Variants in UIMC1 observed in about 807,000 individuals in gnomAD.
UIMC1 encodes the protein ubiquitin interaction motif containing 1.
Under a neutral mutation model 84.9 loss-of-function variants are expected in UIMC1, and 42 were observed. The observed-to-expected ratio is 0.49, with a 90% CI of 0.39 to 0.64. The LOEUF is 0.64. UIMC1 is among the 30% of genes least tolerant of loss of function. The pLI is 0.00. For missense variants in UIMC1, 825 were observed against 847.6 expected (o/e 0.97, Z 0.33); for synonymous variants, 281 against 293.0 (o/e 0.96, Z 0.42).
At chr5:176,970,579 A>C in intron 4 of UIMC1, 163 bp downstream of exon 4, 2 of 1,103,818 alleles carry the variant, frequency 1.8e-6, no homozygotes, top group Non-Finnish European at 2.7e-6. Context: ...AAATTGGGTT[A>C]ACCAACAATT....
chr5:176,979,765 A>G (rs1348062524), intron 2 of UIMC1, among the ~76,000 whole-genome samples: 1 of 152,178 alleles, frequency 6.6e-6, no homozygotes, highest in Non-Finnish European at 1.5e-5. Context: ...GACGTATGAC[A>G]TATGTGCTGC....
intron 10 of UIMC1, among the ~76,000 whole-genome samples, chr5:176,917,043 C>G (rs1383201723): frequency 6.6e-6 from 1 of 152,160 alleles, no homozygotes; most frequent in Non-Finnish European, 1.5e-5. Flanking sequence ...TGGTTAAAGT[C>G]TTCTCAGTTT....
At chr5:177,012,644 G>C (rs1431614585) in intron 1 of UIMC1, among the ~76,000 whole-genome samples, 1 of 152,084 alleles carries the variant, frequency 6.6e-6, no homozygotes, top group African/African-American at 2.4e-5. Flanking sequence ...AATGAGCTGA[G>C]ATCGCGCCAC....
At chr5:176,914,416 T>C (rs917784635) in intron 10 of UIMC1, among the ~76,000 whole-genome samples, 1 of 152,222 alleles carries the variant, frequency 6.6e-6, no homozygotes, top group Non-Finnish European at 1.5e-5. Flanking sequence ...GTCTTCTCTC[T>C]GGTCCAACTT....
chr5:176,907,020 G>A lies in UIMC1; in HGVS notation c.1912+94C>T, dbSNP rs1026383324. The A allele has an allele frequency of 2.3e-6, 3 of 1,332,378 alleles. No individual in the cohort carries two copies. In the South Asian group the frequency reaches 3.7e-5, roughly 17 times the overall value. 82.5% of individuals were successfully genotyped at this position (1,332,378 alleles called of 1,614,324 possible). A position where few individuals can be genotyped will look rare whatever the true frequency, so the allele number is the denominator to read the frequency against. Reference sequence around the variant, plus strand: ...GCTGACTGGATCACGTGTGTACCCAGATAACCACAGCAAATAGTCAGGGGG... The same window carrying A: ...GCTGACTGGATCACGTGTGTACCCAAATAACCACAGCAAATAGTCAGGGGG... On this transcript the variant is annotated intron_variant, in intron 13 of 14. Coordinates refer to ENST00000511320, the MANE Select transcript of UIMC1 (RefSeq NM_001199298.2).
In UIMC1 at chr5:177,003,767, G is replaced by A. The variant is rs75561434; in HGVS notation, c.-9+2883C>T. On this transcript the variant is annotated intron_variant, in intron 1 of 14. Transcript: ENST00000511320. ...GAGTATGGGGGAAGACTGGAGAAGC[G>A]TAATGCACTGGGAAAACCTCTCACA... Among the ~76,000 whole-genome samples the A allele has an allele frequency of 1.6e-4, 24 of 152,318 alleles. No homozygotes were observed. In the East Asian group the frequency reaches 4.2e-3, roughly 27 times the overall value.
chr5:176,911,537 G>C (rs548431395), intron 10 of UIMC1, 148 bp from the exon 11 acceptor site: 5 of 439,342 alleles, frequency 1.1e-5, no homozygotes, highest in Non-Finnish European at 1.5e-5. Context: ...AATCTTTCTA[G>C]AATTGAGAAT....
chr5:176,975,477 G>T lies in UIMC1; in HGVS notation c.151C>A (p.Pro51Thr). 1.2e-6 allele frequency: 2 copies of T among 1,613,832 alleles called. No individual in the cohort carries two copies. The highest frequency in any genetic ancestry group is 2.7e-5 in the African/African-American group (2 of 75,012). Residue 51 changes from proline (P) to threonine (T), a missense_variant, in exon 3 of 15, where the codon CCA becomes ACA. Transcript: ENST00000511320. ...IVISDSDGEE[P>T]KEENGLQKTK... ...TTCTGCAACCCATTTTCCTCCTTTG[G>T]TTCCTGTTGCAAAACAAGAAATATC...
At chr5:177,001,098 A>G (rs1334606959) in intron 1 of UIMC1, among the ~76,000 whole-genome samples, 1 of 152,166 alleles carries the variant, frequency 6.6e-6, no homozygotes, top group African/African-American at 2.4e-5. Flanking sequence ...AATGTCCTAG[A>G]GAGTTTCCCC....
chr5:177,013,547 C>A (rs924044583), intron 1 of UIMC1, among the ~76,000 whole-genome samples: 1 of 152,148 alleles, frequency 6.6e-6, no homozygotes, highest in African/African-American at 2.4e-5. Flanking sequence ...TGCTACACAA[C>A]ATGAATCATG....
rs768270439 is a variant in UIMC1, at chr5:176,969,713, C to G, written c.358-7G>C. On this transcript the variant is annotated splice_polypyrimidine_tract_variant and splice_region_variant and intron_variant, in intron 4 of 14. Coordinates refer to ENST00000511320, the MANE Select transcript of UIMC1 (RefSeq NM_001199298.2). ...CATCAGAAGGCCGGCAACTCTGAAA[C>G]AAGTGATCCCATACCAGACCAGGTT... 1 of 1,613,330 alleles carries G rather than the reference C, an allele frequency of 6.2e-7. No homozygotes were observed. The highest frequency in any genetic ancestry group is 8.5e-7 in the Non-Finnish European group (1 of 1,179,368).
At chr5:177,017,694 G>A (rs1424786286) in intron 1 of UIMC1, among the ~76,000 whole-genome samples, 3 of 146,012 alleles carry the variant, frequency 2.1e-5, no homozygotes, top group Non-Finnish European at 4.5e-5. Flanking sequence ...TTTTGAGACA[G>A]GGTCTTGCTG....
chr5:176,909,981 A>G (rs1467025360), intron 11 of UIMC1, among the ~76,000 whole-genome samples: 1 of 152,230 alleles, frequency 6.6e-6, no homozygotes, highest in East Asian at 1.9e-4. Context: ...CAAGGCACCT[A>G]GCACAATGAC....
At position 176,955,869 on chromosome 5, in the gene UIMC1, G is replaced by A; in HGVS notation, c.1339+90C>T. The stretch of plus-strand genomic sequence containing the variant: ...TATCAATTACATACAAACCTCCAGA[G>A]AGTAGGTTTGAAGAGTCAGAGGAAA... On this transcript the variant is annotated intron_variant, in intron 8 of 14. Transcript: ENST00000511320. The A allele has an allele frequency of 3.3e-6, 4 of 1,204,734 alleles. 1 individual carries two copies. The African/African-American group carries it at 4.5e-5, about 14-fold the overall frequency. 74.6% of individuals were successfully genotyped at this position (1,204,734 alleles called of 1,614,324 possible). A position where few individuals can be genotyped will look rare whatever the true frequency, so the allele number is the denominator to read the frequency against.
intron 2 of UIMC1, 53 bp downstream of exon 2, chr5:176,982,412 GGTAA>G: frequency 6.4e-7 from 1 of 1,566,348 alleles, no homozygotes; most frequent in East Asian, 2.3e-5. Context: ...ACTCCCCATG[GGTAA>G]AGAAGCATAG....
At chr5:176,983,532 ATGC>A (rs1771378664) in intron 1 of UIMC1, among the ~76,000 whole-genome samples, 1 of 151,350 alleles carries the variant, frequency 6.6e-6, no homozygotes, top group Non-Finnish European at 1.5e-5. Context: ...CGCTCACTCA[ATGC>A]TCAATGTTGC....
chr5:177,022,602 C>T, exon 1 of UIMC1: 1 of 922,350 alleles, frequency 1.1e-6, no homozygotes, highest in Non-Finnish European at 1.5e-6. Context: ...GCAAAATAAG[C>T]GCGGGGTCCC....
chr5:176,931,675 T>G (rs575467177), intron 10 of UIMC1, among the ~76,000 whole-genome samples: 247 of 152,290 alleles, frequency 1.6e-3, no homozygotes, highest in African/African-American at 5.7e-3. Flanking sequence ...CACAGAAAAG[T>G]TGAACAAAAG....
intron 9 of UIMC1, among the ~76,000 whole-genome samples, chr5:176,947,494 G>A (rs891776775): frequency 5.9e-5 from 9 of 151,940 alleles, no homozygotes; most frequent in Non-Finnish European, 1.2e-4. Context: ...ATCCCTCCCC[G>A]CTCGCCTTCT....
Sources: gnomAD v4.1 joint callset for allele counts (sites outside exome capture counted in the v4.1 genomes callset) on GRCh38, gnomAD v4.1.1 for gene constraint, MANE v1.5 for transcripts, NCBI Gene and HGNC (gene_info 2026-07-23, HGNC 2026-07-21) for gene names.